FAM120A: variants seen among roughly 807,000 people sequenced by gnomAD.
FAM120A encodes constitutive coactivator of PPAR-gamma-like protein 1.
In FAM120A, 15 loss-of-function variants were observed where a neutral mutation model predicts 109.7. The observed-to-expected ratio is 0.14, with a 90% CI of 0.09 to 0.21. The LOEUF (loss-of-function observed/expected upper bound fraction) is 0.21, where lower values mean the gene tolerates loss of function less well. Ranked by LOEUF, FAM120A falls within the 10% of genes least tolerant of loss-of-function variation. FAM120A has a pLI of 1.00. For missense variants in FAM120A, 899 were observed against 1,439.3 expected (o/e 0.62, Z 6.07); for synonymous variants, 493 against 572.8 (o/e 0.86, Z 1.99).
At chr9:93,487,952 C>A (rs137920209) in intron 3 of FAM120A, among the ~76,000 whole-genome samples, 9 of 152,196 alleles carry the variant, frequency 5.9e-5, no homozygotes, top group African/African-American at 9.7e-5. Context: ...GGCCTCTGCT[C>A]TATTTCACAC....
chr9:93,538,122 G>C (rs531980559), intron 10 of FAM120A, among the ~76,000 whole-genome samples: 1 of 152,054 alleles, frequency 6.6e-6, no homozygotes, highest in Admixed American at 6.5e-5. Flanking sequence ...CATGGAATGA[G>C]GAATATGAAC....
At chr9:93,529,226 T>G in intron 8 of FAM120A, 127 bp from the exon 9 acceptor site, 1 of 765,640 alleles carries the variant, frequency 1.3e-6, no homozygotes, top group South Asian at 2.1e-5. Context: ...CCAAATCTGG[T>G]CTCTCTAAGA....
chr9:93,511,161 G>A (rs1408768459), intron 5 of FAM120A, among the ~76,000 whole-genome samples: 1 of 152,044 alleles, frequency 6.6e-6, no homozygotes, highest in Non-Finnish European at 1.5e-5. Context: ...CACGTGCCAC[G>A]CAGGATGTGC....
chr9:93,494,410 C>T (rs4744248), intron 3 of FAM120A, among the ~76,000 whole-genome samples: 8,153 of 152,276 alleles, frequency 0.054, 294 homozygotes, highest in East Asian at 0.11. Flanking sequence ...TGCCAAGTCT[C>T]CATCCTGCAC....
intron 5 of FAM120A, among the ~76,000 whole-genome samples, chr9:93,507,417 G>A (rs935712739): frequency 6.6e-6 from 1 of 152,168 alleles, no homozygotes; most frequent in Non-Finnish European, 1.5e-5. Context: ...GGATGGTTTT[G>A]GATACGAATG....
In FAM120A at chr9:93,495,494, A is replaced by G. The variant is rs181920693; in HGVS notation, c.805-1977A>G. On this transcript the variant is annotated intron_variant, in intron 3 of 17. Coordinates refer to ENST00000277165, the MANE Select transcript of FAM120A (RefSeq NM_014612.5). ...TGACATACATGGAGGCTTTGAGAGC[A>G]GGGGCCTGGAGGGGAATGATAGAGA... is the stretch of plus-strand genomic sequence containing the variant. Among the ~76,000 whole-genome samples the G allele has an allele frequency of 2.2e-3, 331 of 152,344 alleles. 3 individuals carry two copies. The highest frequency in any genetic ancestry group is 3.9e-3 in the Admixed American group (59 of 15,304).
intron 7 of FAM120A, among the ~76,000 whole-genome samples, chr9:93,516,622 G>A (rs1315585124): frequency 6.6e-6 from 1 of 151,960 alleles, no homozygotes; most frequent in Non-Finnish European, 1.5e-5. Context: ...ACCCCCTGCC[G>A]ACCCCCGAAA....
chr9:93,478,430 A>C (rs185340422), intron 3 of FAM120A, among the ~76,000 whole-genome samples: 2 of 152,174 alleles, frequency 1.3e-5, no homozygotes, highest in Non-Finnish European at 2.9e-5. Flanking sequence ...CATGAAATGC[A>C]AGTGCACCTG....
intron 1 of FAM120A, among the ~76,000 whole-genome samples, chr9:93,467,255 C>CG (rs1858080807): frequency 8.8e-6 from 1 of 113,096 alleles, no homozygotes. Context: ...CACCCCCCCC[C>CG]CCCTTTTCCC....
At chr9:93,488,665 G>T (rs962604990) in intron 3 of FAM120A, among the ~76,000 whole-genome samples, 1 of 152,118 alleles carries the variant, frequency 6.6e-6, no homozygotes, top group South Asian at 2.1e-4. Flanking sequence ...AAATTGGCTT[G>T]TCCTCCTGTA....
chr9:93,532,072 G>A lies in FAM120A; in HGVS notation c.1735-83G>A. The A allele has an allele frequency of 7.9e-7, 1 of 1,268,878 alleles. No individual in the cohort carries two copies. The highest frequency in any genetic ancestry group is 1.3e-5 in the South Asian group (1 of 75,120). The allele number at this position is 1,268,878 out of a possible 1,614,324, so 78.6% of individuals were successfully genotyped here. ...TGGAATTGCAATGTCATTAACTGGA[G>A]ATAATACAGTATATTTCTGTGAGTG... On this transcript the variant is annotated intron_variant, in intron 9 of 17. Coordinates refer to ENST00000277165, the MANE Select transcript of FAM120A (RefSeq NM_014612.5). This position sits in a 1 kb window ranked among gnomAD's most constrained non-coding sequence, Gnocchi z 4.3.
At chr9:93,464,854 A>AT (rs1857945572) in intron 1 of FAM120A, among the ~76,000 whole-genome samples, 1 of 152,212 alleles carries the variant, frequency 6.6e-6, no homozygotes, top group African/African-American at 2.4e-5. Flanking sequence ...TTTTTACGTC[A>AT]TTTTGTTCTT....
At chr9:93,518,285 G>A (rs1403527241) in intron 7 of FAM120A, among the ~76,000 whole-genome samples, 1 of 152,122 alleles carries the variant, frequency 6.6e-6, no homozygotes. Flanking sequence ...GGGGTATGAC[G>A]CGTGTGCCAA....
chr9:93,522,821 A>AG (rs1159548118), intron 7 of FAM120A, among the ~76,000 whole-genome samples: 3 of 152,086 alleles, frequency 2.0e-5, no homozygotes. Flanking sequence ...TCCCCTGTTA[A>AG]TTTTTGCTAA....
At chr9:93,547,196 G>A (rs1199334628) in intron 11 of FAM120A, among the ~76,000 whole-genome samples, 2 of 152,146 alleles carry the variant, frequency 1.3e-5, no homozygotes, top group South Asian at 2.1e-4. Flanking sequence ...AATAGACAAG[G>A]CTCTTGTCCA....
At chr9:93,492,683 G>T (rs1292896231) in intron 3 of FAM120A, among the ~76,000 whole-genome samples, 1 of 152,176 alleles carries the variant, frequency 6.6e-6, no homozygotes, top group Non-Finnish European at 1.5e-5. Context: ...GTGGAGGGTG[G>T]CTGGTGGGGA....
intron 10 of FAM120A, among the ~76,000 whole-genome samples, chr9:93,534,922 G>A (rs573312679): frequency 2.0e-5 from 3 of 152,280 alleles, no homozygotes; most frequent in East Asian, 3.9e-4. Flanking sequence ...AAAGGACAGA[G>A]GCCCAGCCAG....
At chr9:93,535,368 G>A (rs1861478593) in intron 10 of FAM120A, among the ~76,000 whole-genome samples, 1 of 152,230 alleles carries the variant, frequency 6.6e-6, no homozygotes, top group South Asian at 2.1e-4. Context: ...GTTGGATAGC[G>A]ATGTATGGAC....
At chr9:93,546,646 G>A (rs902967493) in intron 11 of FAM120A, among the ~76,000 whole-genome samples, 13 of 152,172 alleles carry the variant, frequency 8.5e-5, no homozygotes, top group East Asian at 1.9e-4. Flanking sequence ...GCCTGGCAGC[G>A]GAGTGCTGGC....
Sources: gnomAD v4.1 joint callset for allele counts (sites outside exome capture counted in the v4.1 genomes callset) on GRCh38, gnomAD v4.1.1 for gene constraint, Gnocchi (gnomAD v3.1) non-coding constraint, MANE v1.5 for transcripts, NCBI Gene and HGNC (gene_info 2026-07-23, HGNC 2026-07-21) for gene names.